CDH20: variants seen among roughly 807,000 people sequenced by gnomAD.
CDH20 encodes cadherin-20.
In CDH20, 29 loss-of-function variants were observed where a neutral mutation model predicts 74.2. That is an observed-to-expected ratio of 0.39 (90% CI 0.29 to 0.53). The LOEUF is 0.53. Ranked by LOEUF, CDH20 falls within the 20% of genes least tolerant of loss-of-function variation. The pLI is 0.69. For synonymous variants in CDH20, 469 were observed against 405.4 expected, an observed-to-expected ratio of 1.16 and a Z score of -1.88; for missense variants, 988 against 1,048.3, an observed-to-expected ratio of 0.94 and a Z score of 0.79.
At chr18:61,366,264 C>G (rs749644330) in intron 1 of CDH20, among the ~76,000 whole-genome samples, 3 of 152,072 alleles carry the variant, frequency 2.0e-5, no homozygotes, top group Non-Finnish European at 2.9e-5. Flanking sequence ...GGAATCTAAA[C>G]CAACATCATT....
intron 1 of CDH20, among the ~76,000 whole-genome samples, chr18:61,406,293 T>C (rs950961483): frequency 1.3e-5 from 2 of 152,222 alleles, no homozygotes; most frequent in African/African-American, 4.8e-5. Context: ...CTTCCACAAG[T>C]TGATAAGTAA....
At chr18:61,452,336 C>A (rs569557931) in intron 1 of CDH20, among the ~76,000 whole-genome samples, 1 of 152,084 alleles carries the variant, frequency 6.6e-6, no homozygotes, top group Non-Finnish European at 1.5e-5. Flanking sequence ...AACTCTTGCA[C>A]CAAAAACTAA....
rs898028897 is a variant in CDH20, at chr18:61,353,841, G to A, written c.-153+20014G>A. Among the ~76,000 whole-genome samples, 5 of 152,118 alleles carry A rather than the reference G, an allele frequency of 3.3e-5. No homozygotes were observed. Among genetic ancestry groups the A allele is most frequent in the Admixed American group, 2.6e-4 (4 of 15,272 alleles). ...TCATGCCTGTAATCCCAGCATTTTA[G>A]GAGGCCGGGGCGGTTGGATTGCCTG... On this transcript the variant is annotated intron_variant, in intron 1 of 11. Transcript: ENST00000262717. The surrounding 1 kb of genome is among the most constrained non-coding windows in gnomAD (Gnocchi z 4.6).
intron 1 of CDH20, among the ~76,000 whole-genome samples, chr18:61,392,166 T>C (rs1401454834): frequency 6.6e-6 from 1 of 152,022 alleles, no homozygotes; most frequent in Non-Finnish European, 1.5e-5. Context: ...CCTTTTCAGT[T>C]CTGCTCCCAC....
At chr18:61,437,155 G>T (rs571351393) in intron 1 of CDH20, among the ~76,000 whole-genome samples, 1 of 152,064 alleles carries the variant, frequency 6.6e-6, no homozygotes, top group Non-Finnish European at 1.5e-5. Context: ...AATAATGTGC[G>T]GCAAGGGCAA....
rs12458802 is a variant in CDH20, at chr18:61,523,193, C to A, written c.1018-4774C>A. 6.3e-5 allele frequency among the ~76,000 whole-genome samples: 9 copies of A among 143,364 alleles called. No homozygotes were observed. The Admixed American group carries it at 6.6e-4, about 11-fold the overall frequency. 94.1% of individuals were successfully genotyped at this position (143,364 alleles called of 152,430 possible). A position where few individuals can be genotyped will look rare whatever the true frequency, so the allele number is the denominator to read the frequency against. ...ACAAAGGTCTAATATCCAGAATCTA[C>A]AAGGAACTTAAACAAATTTACAAGA... On this transcript the variant is annotated intron_variant, in intron 6 of 11. Coordinates refer to ENST00000262717, the MANE Select transcript of CDH20 (RefSeq NM_031891.4).
chr18:61,419,030 G>C (rs958001034), intron 1 of CDH20, among the ~76,000 whole-genome samples: 4 of 152,068 alleles, frequency 2.6e-5, no homozygotes, highest in African/African-American at 9.7e-5. Flanking sequence ...GTATTCCATA[G>C]CTATGATGTA....
intron 10 of CDH20, among the ~76,000 whole-genome samples, chr18:61,549,520 A>G (rs1283066191): frequency 6.6e-6 from 1 of 152,212 alleles, no homozygotes; most frequent in African/African-American, 2.4e-5. Context: ...AGCGGCAAAA[A>G]TAAGTAATCT....
chr18:61,396,045 GTGTGTGTT>G (rs1465928493), intron 1 of CDH20, among the ~76,000 whole-genome samples: 2 of 151,054 alleles, frequency 1.3e-5, no homozygotes, highest in Non-Finnish European at 3.0e-5. Flanking sequence ...CACAGAGTGT[GTGTGTGTT>G]TGTGTGTGTG....
chr18:61,469,127 C>A (rs2144375109), intron 1 of CDH20, among the ~76,000 whole-genome samples: 1 of 152,280 alleles, frequency 6.6e-6, no homozygotes, highest in African/African-American at 2.4e-5. Context: ...ATGAAGCCAA[C>A]TTCAGAATTC....
At position 61,545,149 on chromosome 18, in the gene CDH20, T is replaced by C. The variant is rs1428983862; in HGVS notation, c.1648+5T>C. 2 of 1,573,322 alleles carry C rather than the reference T, an allele frequency of 1.3e-6. No homozygotes were observed. Among genetic ancestry groups the C allele is most frequent in the African/African-American group, 2.7e-5 (2 of 74,098 alleles). On this transcript the variant is annotated splice_donor_5th_base_variant and intron_variant, in intron 10 of 11. Coordinates refer to ENST00000262717, the MANE Select transcript of CDH20 (RefSeq NM_031891.4). ...TTACCATAAGGGACAACCAAGGTAA[T>C]CAGGTGGATGGTTGGCTATCTGTGC...
intron 1 of CDH20, among the ~76,000 whole-genome samples, chr18:61,411,215 A>G (rs969974769): frequency 6.6e-6 from 1 of 151,280 alleles, no homozygotes; most frequent in Non-Finnish European, 1.5e-5. Flanking sequence ...AAAAAAATGT[A>G]TATGGCAAGA....
intron 6 of CDH20, among the ~76,000 whole-genome samples, chr18:61,519,838 AG>A (rs1457013839): frequency 6.6e-6 from 1 of 150,980 alleles, no homozygotes; most frequent in Non-Finnish European, 1.5e-5. Context: ...AATTGGATAA[AG>A]AGTCAAGATC....
intron 1 of CDH20, among the ~76,000 whole-genome samples, chr18:61,471,762 A>G (rs915549002): frequency 2.6e-5 from 4 of 152,204 alleles, no homozygotes; most frequent in African/African-American, 9.6e-5. Flanking sequence ...GGCAAACTCA[A>G]CAAACCCATT....
In CDH20 at chr18:61,413,891, C is replaced by A. The variant is rs114145923; in HGVS notation, c.-152-76511C>A. Among the ~76,000 whole-genome samples, 598 of 152,196 alleles carry A rather than the reference C, an allele frequency of 3.9e-3. 1 individual carries two copies. The highest frequency in any genetic ancestry group is 0.014 in the African/African-American group (563 of 41,544). ...TTTTCCTGTGTCACAGTTTATTGTGCAAATTCCATATAACTTAATATAATG... is the reference window on the plus strand; with the variant it reads ...TTTTCCTGTGTCACAGTTTATTGTGAAAATTCCATATAACTTAATATAATG... On this transcript the variant is annotated intron_variant, in intron 1 of 11. Transcript: ENST00000262717.
At chr18:61,421,356 TTC>T (rs1362991613) in intron 1 of CDH20, among the ~76,000 whole-genome samples, 2 of 152,152 alleles carry the variant, frequency 1.3e-5, no homozygotes, top group African/African-American at 4.8e-5. Flanking sequence ...ATTCATAATA[TTC>T]TCTCTTATTA....
chr18:61,431,363 T>G (rs1375860470), intron 1 of CDH20, among the ~76,000 whole-genome samples: 1 of 152,132 alleles, frequency 6.6e-6, no homozygotes, highest in Non-Finnish European at 1.5e-5. Flanking sequence ...ACAAAGGATG[T>G]TAGGGAAACT....
rs368573820 is a variant in CDH20, at chr18:61,534,136, T to C, written c.1272-2357T>C. Among the ~76,000 whole-genome samples, 9 of 152,162 alleles carry C rather than the reference T, an allele frequency of 5.9e-5. No homozygotes were observed. The East Asian group carries it at 1.5e-3, about 26-fold the overall frequency. On this transcript the variant is annotated intron_variant, in intron 7 of 11. Coordinates refer to ENST00000262717, the MANE Select transcript of CDH20 (RefSeq NM_031891.4). ...CAAATGACCAACATACATGAAAAAA[T>C]GCTCAACATCCCTAATCATCAGGAA... is the stretch of plus-strand genomic sequence containing the variant.
chr18:61,398,217 C>G (rs1041016284), intron 1 of CDH20, among the ~76,000 whole-genome samples: 1 of 152,136 alleles, frequency 6.6e-6, no homozygotes, highest in Non-Finnish European at 1.5e-5. Context: ...AACTAGTATA[C>G]GAATCATACA....
Sources: allele counts gnomAD v4.1 joint callset (sites outside exome capture counted in the v4.1 genomes callset), GRCh38; gene constraint gnomAD v4.1.1; non-coding constraint Gnocchi (gnomAD v3.1); transcripts MANE v1.5; gene names NCBI Gene and HGNC (gene_info 2026-07-23, HGNC 2026-07-21).